Variants in VWF observed in about 807,000 individuals in gnomAD.
The protein encoded by VWF is von Willebrand factor, also known as Factor VIII related antigen.
Under a neutral mutation model 308.6 loss-of-function variants are expected in VWF, and 176 were observed. That is an observed-to-expected ratio of 0.57 (90% confidence interval 0.50 to 0.65). The LOEUF is 0.65. Among genes scored for constraint, VWF ranks in the 30% least tolerant of loss-of-function variants. VWF has a pLI of 0.00. For synonymous variants in VWF, 1,385 were observed against 1,443.4 expected (o/e 0.96, Z 0.92); for missense variants, 3,146 against 3,648.2 (o/e 0.86, Z 3.55).
rs1156985106 is a variant in VWF at position 6,109,280 on chromosome 12, C to T, written c.532+1094G>A. On this transcript the variant is annotated intron_variant, in intron 5 of 51. Coordinates refer to ENST00000261405, the MANE Select transcript of VWF (RefSeq NM_000552.5). ...GTGTATATATATACATATATATACA[C>T]ACACATATATAATTACATATATACA... is the stretch of plus-strand genomic sequence containing the variant. 1.1e-4 allele frequency among the ~76,000 whole-genome samples: 17 copies of T among 150,046 alleles called. No individual in the cohort carries two copies. In the East Asian group the frequency reaches 3.3e-3, roughly 29 times the overall value.
chr12:6,081,095 T>C (rs1018375383), intron 6 of VWF, among the ~76,000 whole-genome samples: 2 of 152,164 alleles, frequency 1.3e-5, no homozygotes, highest in Non-Finnish European at 2.9e-5. Flanking sequence ...CCCATCCTCC[T>C]GCGTTCAGGA....
chr12:5,992,504 C>T (rs886143027), intron 37 of VWF, among the ~76,000 whole-genome samples: 2 of 152,158 alleles, frequency 1.3e-5, no homozygotes, highest in African/African-American at 4.8e-5. Context: ...CCACCGCCTC[C>T]GATCAGTTGT....
At chr12:6,041,929 T>G (rs1944401150) in intron 18 of VWF, among the ~76,000 whole-genome samples, 1 of 152,196 alleles carries the variant, frequency 6.6e-6, no homozygotes, top group Admixed American at 6.5e-5. Context: ...GGGTGCAGCC[T>G]CTGAGACAGC....
chr12:6,073,472 C>A (rs996689111), intron 8 of VWF, 147 bp downstream of exon 8: 19 of 1,121,008 alleles, frequency 1.7e-5, no homozygotes, highest in Non-Finnish European at 2.4e-5. Context: ...CAATCCTGAT[C>A]ACGCTGGACA....
intron 5 of VWF, among the ~76,000 whole-genome samples, chr12:6,099,318 C>CA (rs1177262693): frequency 0.024 from 1,471 of 62,234 alleles, 7 homozygotes; most frequent in Non-Finnish European, 0.036. Flanking sequence ...GACTCTATCT[C>CA]AAAAAAAAAA....
In VWF at chr12:6,075,352, G is replaced by T; in HGVS notation, c.857C>A (p.Thr286Asn). 1 of 1,614,028 alleles carries T rather than the reference G, an allele frequency of 6.2e-7. No individual in the cohort carries two copies. Among genetic ancestry groups the T allele is most frequent in the Non-Finnish European group, 8.5e-7 (1 of 1,180,022 alleles). ...AQEGMVLYGW[T>N]DHSACSPVCP... ...CGACTTACTGCACGCGCTGTGGTCG[G>T]TCCAGCCGTACAGCACCATTCCCTC... is the stretch of plus-strand genomic sequence containing the variant. Residue 286 changes from threonine (T) to asparagine (N), a missense_variant, in exon 7 of 52, where the codon ACC becomes AAC. Physicochemically the swap from Thr to Asn is moderately conservative, Grantham distance 65. Transcript: ENST00000261405. This position sits in a 1 kb window ranked among gnomAD's most constrained non-coding sequence, Gnocchi z 4.7.
chr12:6,027,555 A>C (rs559138866), intron 22 of VWF, among the ~76,000 whole-genome samples: 1 of 152,296 alleles, frequency 6.6e-6, no homozygotes, highest in East Asian at 1.9e-4. Flanking sequence ...CAGAGTTCAA[A>C]AGGTGCTGTG....
At chr12:5,980,120 A>C (rs1260230666) in intron 42 of VWF, among the ~76,000 whole-genome samples, 3 of 126,628 alleles carry the variant, frequency 2.4e-5, no homozygotes, top group Non-Finnish European at 3.3e-5. Context: ...GGAAGGAAGG[A>C]AGGAAGGAAG....
rs1555073700 is a variant in VWF at position 6,092,614 on chromosome 12, T to TGAGAGAGAGAGAGAGAGAGA, written c.657+2845_657+2846insTCTCTCTCTCTCTCTCTCTC. ...CATGCCCAGCTAGTTAGTGAGTGAG[T>TGAGAGAGAGAGAGAGAGAGA]GAGAGTGTGTGTGTGTGTGTGTGTG... On this transcript the variant is annotated intron_variant, in intron 6 of 51. Coordinates refer to ENST00000261405, the MANE Select transcript of VWF (RefSeq NM_000552.5). 3.5e-3 allele frequency among the ~76,000 whole-genome samples: 302 copies of TGAGAGAGAGAGAGAGAGAGA among 86,002 alleles called. 12 individuals are homozygous for TGAGAGAGAGAGAGAGAGAGA. Among genetic ancestry groups the TGAGAGAGAGAGAGAGAGAGA allele is most frequent in the African/African-American group, 0.016 (268 of 17,180 alleles). 56.4% of individuals were successfully genotyped at this position (86,002 alleles called of 152,430 possible).
At chr12:6,032,426 T>C (rs909992248) in intron 20 of VWF, among the ~76,000 whole-genome samples, 1 of 150,116 alleles carries the variant, frequency 6.7e-6, no homozygotes, top group Admixed American at 6.6e-5. Flanking sequence ...GATCACGAGG[T>C]CAGGAGATCG....
intron 34 of VWF, among the ~76,000 whole-genome samples, chr12:5,998,277 T>A (rs1943828926): frequency 6.6e-6 from 1 of 150,962 alleles, no homozygotes; most frequent in African/African-American, 2.4e-5. Context: ...GGCGGGCGGA[T>A]CACAAGGTCA....
chr12:6,048,922 G>A (rs139578950), intron 16 of VWF, among the ~76,000 whole-genome samples: 8 of 152,154 alleles, frequency 5.3e-5, no homozygotes, highest in South Asian at 2.1e-4. Flanking sequence ...AATTCCACCC[G>A]CCCCCGTAAA....
chr12:6,031,487 G>C lies in VWF; in HGVS notation c.2777C>G (p.Thr926Ser). 1 of 1,614,144 alleles carries C rather than the reference G, an allele frequency of 6.2e-7. No homozygotes were observed. The highest frequency in any genetic ancestry group is 8.5e-7 in the Non-Finnish European group (1 of 1,180,034). The change falls in exon 21 of 52, where the codon ACC (threonine) becomes AGC (serine). Residue 926 changes from threonine (T) to serine (S), a missense_variant. Thr to Ser is a moderately conservative substitution (Grantham distance 58). Transcript: ENST00000261405. ...AATCTCTCCTCCCTCCACCAGGATG[G>C]TGACCCGTTTCTTGCATTTCACTGA... ...HPSVKCKKRV[T>S]ILVEGGEIEL...
intron 44 of VWF, among the ~76,000 whole-genome samples, chr12:5,969,892 C>T (rs12300917): frequency 0.19 from 29,394 of 152,078 alleles, 3,040 homozygotes; most frequent in Non-Finnish European, 0.21. Flanking sequence ...GTTGTCACCA[C>T]GGGCAAGAAG....
chr12:6,028,203 A>T (rs528197640), intron 22 of VWF, among the ~76,000 whole-genome samples: 1 of 152,206 alleles, frequency 6.6e-6, no homozygotes, highest in African/African-American at 2.4e-5. Flanking sequence ...GTTGGACCCT[A>T]AATAGTGGAA....
intron 47 of VWF, among the ~76,000 whole-genome samples, chr12:5,958,928 G>C (rs909635765): frequency 5.3e-5 from 8 of 151,986 alleles, no homozygotes; most frequent in Non-Finnish European, 1.0e-4. Flanking sequence ...CAAAAATAAA[G>C]GAGGTGGCTG....
chr12:6,105,440 C>G (rs1945231463), intron 5 of VWF, among the ~76,000 whole-genome samples: 1 of 152,118 alleles, frequency 6.6e-6, no homozygotes, highest in African/African-American at 2.4e-5. Flanking sequence ...GTTGGCCAGG[C>G]TGGTCTTGAA....
chr12:6,041,670 A>T (rs1457211420), intron 18 of VWF, among the ~76,000 whole-genome samples: 1 of 151,794 alleles, frequency 6.6e-6, no homozygotes, highest in Non-Finnish European at 1.5e-5. Context: ...GATGGTCTCG[A>T]TCTCCTGACC....
intron 6 of VWF, among the ~76,000 whole-genome samples, chr12:6,080,111 C>A (rs1013351781): frequency 6.6e-6 from 1 of 152,192 alleles, no homozygotes; most frequent in Admixed American, 6.5e-5. Context: ...TCCTTCTCCC[C>A]ACTCTGCCGA....
Sources: gnomAD v4.1 joint callset for allele counts (sites outside exome capture counted in the v4.1 genomes callset) on GRCh38, gnomAD v4.1.1 for gene constraint, Gnocchi (gnomAD v3.1) non-coding constraint, MANE v1.5 for transcripts, NCBI Gene and HGNC (gene_info 2026-07-23, HGNC 2026-07-21) for gene names.